NTNG1: variants seen among roughly 807,000 people sequenced by gnomAD.
The protein encoded by NTNG1 is netrin-G1.
NTNG1 carries 16 observed loss-of-function variants against 54.0 expected under a neutral mutation model. That is an observed-to-expected ratio of 0.30 (90% CI 0.20 to 0.45). The LOEUF (loss-of-function observed/expected upper bound fraction) is 0.45. NTNG1 is among the 20% of genes least tolerant of loss of function. The pLI, the probability that NTNG1 is intolerant of heterozygous loss-of-function variation, is 1.00. For missense variants in NTNG1, 530 were observed against 678.7 expected (o/e 0.78, Z 2.43); for synonymous variants, 255 against 263.1 (o/e 0.97, Z 0.30).
At chr1:107,263,733 A>G (rs1307376950) in intron 2 of NTNG1, among the ~76,000 whole-genome samples, 3 of 152,224 alleles carry the variant, frequency 2.0e-5, no homozygotes, top group Non-Finnish European at 4.4e-5. Flanking sequence ...CCTTTGGGAA[A>G]GAAGTATTTG....
chr1:107,220,587 C>T (rs573251223), intron 2 of NTNG1, among the ~76,000 whole-genome samples: 2 of 152,362 alleles, frequency 1.3e-5, no homozygotes, highest in African/African-American at 2.4e-5. Context: ...GATCCTAACT[C>T]CACTACTTAG....
intron 7 of NTNG1, among the ~76,000 whole-genome samples, chr1:107,460,894 G>A (rs1677243656): frequency 6.6e-6 from 1 of 152,164 alleles, no homozygotes; most frequent in African/African-American, 2.4e-5. Flanking sequence ...TTCAGTAGTT[G>A]TCATCGGGTC....
chr1:107,200,613 G>A (rs1431214729), intron 2 of NTNG1, among the ~76,000 whole-genome samples: 1 of 151,646 alleles, frequency 6.6e-6, no homozygotes, highest in Non-Finnish European at 1.5e-5. Context: ...TCTTTCATGA[G>A]GAATACTTCA....
At chr1:107,220,328 G>A (rs1434295358) in intron 2 of NTNG1, among the ~76,000 whole-genome samples, 2 of 152,194 alleles carry the variant, frequency 1.3e-5, no homozygotes, top group African/African-American at 2.4e-5. Flanking sequence ...CCTTCAAAGG[G>A]TCTGTGGATT....
At chr1:107,470,224 G>A (rs983357187) in intron 7 of NTNG1, among the ~76,000 whole-genome samples, 4 of 152,066 alleles carry the variant, frequency 2.6e-5, no homozygotes, top group Non-Finnish European at 5.9e-5. Context: ...ACTGAAATTT[G>A]ATAAAATGTG....
chr1:107,382,315 G>GC (rs1435902511), intron 3 of NTNG1, among the ~76,000 whole-genome samples: 2 of 152,242 alleles, frequency 1.3e-5, no homozygotes, highest in East Asian at 3.9e-4. Flanking sequence ...AAAGAAATTA[G>GC]CCCCAGAAAG....
intron 2 of NTNG1, among the ~76,000 whole-genome samples, chr1:107,291,518 T>C (rs750371643): frequency 1.3e-5 from 2 of 152,140 alleles, no homozygotes; most frequent in Non-Finnish European, 2.9e-5. Context: ...AATATGTATG[T>C]GTGTACGTGT....
chr1:107,421,144 G>T, intron 5 of NTNG1: 1 of 1,601,488 alleles, frequency 6.2e-7, no homozygotes, highest in Non-Finnish European at 8.5e-7. Context: ...CACAAGAGAG[G>T]TAGGAATTCT....
intron 7 of NTNG1, among the ~76,000 whole-genome samples, chr1:107,453,816 T>G (rs1676767512): frequency 6.6e-6 from 1 of 152,140 alleles, no homozygotes; most frequent in Admixed American, 6.5e-5. Context: ...GTTACTTTAT[T>G]TATTCTTCCA....
At chr1:107,269,431 G>T (rs1416654417) in intron 2 of NTNG1, among the ~76,000 whole-genome samples, 1 of 152,008 alleles carries the variant, frequency 6.6e-6, no homozygotes, top group African/African-American at 2.4e-5. Flanking sequence ...CTGCTTTATT[G>T]TTTTTCCCCG....
At position 107,148,980 on chromosome 1, in the gene NTNG1, TTCTC is replaced by T; in HGVS notation, c.246+142_246+145del. The T allele has an allele frequency of 3.7e-6, 3 of 812,842 alleles. No homozygotes were observed. The Admixed American group carries it at 6.9e-5, about 19-fold the overall frequency. The allele number at this position is 812,842 out of a possible 1,614,324, so 50.4% of individuals were successfully genotyped here. A position where few individuals can be genotyped will look rare whatever the true frequency, so the allele number is the denominator to read the frequency against. On this transcript the variant is annotated intron_variant, in intron 2 of 7. Transcript: ENST00000370068. Reference sequence around the variant, plus strand: ...GATTTGTGTTAACAGGCTAGTTTCTTTCTCAGTGGAGGCTTACACTGCCTGGAGT... The same window carrying T: ...GATTTGTGTTAACAGGCTAGTTTCTTAGTGGAGGCTTACACTGCCTGGAGT...
At chr1:107,391,511 A>G (rs2101074183) in intron 3 of NTNG1, among the ~76,000 whole-genome samples, 1 of 152,308 alleles carries the variant, frequency 6.6e-6, no homozygotes, top group South Asian at 2.1e-4. Flanking sequence ...TTGCACAGCT[A>G]TAAAGAAATA....
At chr1:107,265,985 A>C (rs1365358138) in intron 2 of NTNG1, among the ~76,000 whole-genome samples, 2 of 152,198 alleles carry the variant, frequency 1.3e-5, no homozygotes, top group Non-Finnish European at 2.9e-5. Flanking sequence ...CTCAGAAAAA[A>C]AGTCATCTTT....
intron 7 of NTNG1, among the ~76,000 whole-genome samples, chr1:107,476,026 C>A (rs75670043): frequency 0.014 from 2,158 of 152,274 alleles, 55 homozygotes; most frequent in African/African-American, 0.047. Flanking sequence ...TTCAAGAACC[C>A]CTTATGACAG....
chr1:107,401,472 A>G (rs1673036312), intron 4 of NTNG1, among the ~76,000 whole-genome samples: 1 of 152,192 alleles, frequency 6.6e-6, no homozygotes, highest in South Asian at 2.1e-4. Context: ...GTGCACATAT[A>G]TTACAACAAT....
intron 2 of NTNG1, among the ~76,000 whole-genome samples, chr1:107,300,886 T>A (rs1666275023): frequency 6.6e-6 from 1 of 152,214 alleles, no homozygotes; most frequent in Non-Finnish European, 1.5e-5. Context: ...TTAAAATGTA[T>A]GTCAGCAAAC....
intron 2 of NTNG1, among the ~76,000 whole-genome samples, chr1:107,298,942 A>G (rs774591475): frequency 2.0e-5 from 3 of 152,220 alleles, no homozygotes; most frequent in Non-Finnish European, 4.4e-5. Context: ...AAAACCCTGC[A>G]GATGGTAAAA....
intron 3 of NTNG1, among the ~76,000 whole-genome samples, chr1:107,338,706 G>A (rs1273073563): frequency 6.6e-6 from 1 of 151,684 alleles, no homozygotes; most frequent in Non-Finnish European, 1.5e-5. Flanking sequence ...TGACTCTCCG[G>A]TTCACAACAA....
intron 2 of NTNG1, among the ~76,000 whole-genome samples, chr1:107,231,631 C>T (rs1259140622): frequency 1.3e-5 from 2 of 151,726 alleles, no homozygotes; most frequent in East Asian, 3.9e-4. Context: ...ATTACATTGC[C>T]TCTCACAGAA....
Sources: gnomAD v4.1 joint callset for allele counts (sites outside exome capture counted in the v4.1 genomes callset) on GRCh38, gnomAD v4.1.1 for gene constraint, MANE v1.5 for transcripts, NCBI Gene and HGNC (gene_info 2026-07-23, HGNC 2026-07-21) for gene names.